ADGRG5: variants seen among roughly 807,000 people sequenced by gnomAD.
ADGRG5 encodes the protein adhesion G protein-coupled receptor G5, also known as G protein-coupled receptor 114.
A neutral mutation model predicts 53.2 loss-of-function variants in ADGRG5; 37 were observed. The ratio of observed to expected loss-of-function variants is 0.70; its 90% CI spans 0.53 to 0.91. The LOEUF is 0.91. Among genes scored for constraint, ADGRG5 ranks in the 40% least tolerant of loss-of-function variants. The pLI, the probability that ADGRG5 is intolerant of heterozygous loss-of-function variation, is 0.00. For missense variants in ADGRG5, 614 were observed against 675.8 expected, an observed-to-expected ratio of 0.91 and a Z score of 1.01; for synonymous variants, 277 against 290.4, an observed-to-expected ratio of 0.95 and a Z score of 0.47.
intron 3 of ADGRG5, 30 bp downstream of exon 3, chr16:57,562,489 C>T (rs2033028526): frequency 2.0e-6 from 3 of 1,508,982 alleles, no homozygotes; most frequent in Admixed American, 1.9e-5. Flanking sequence ...CACCCCAAGC[C>T]TGCACCTTGA....
the ADGRG5 span, among the ~76,000 whole-genome samples, chr16:57,535,429 G>A: frequency 1.3e-5 from 2 of 152,142 alleles, no homozygotes; most frequent in Non-Finnish European, 2.9e-5. Flanking sequence ...GGACAGCTAC[G>A]TGTCTGTGTC....
At chr16:57,570,324 C>T in intron 9 of ADGRG5, 94 bp from the exon 10 acceptor site, 2 of 735,836 alleles carry the variant, frequency 2.7e-6, no homozygotes, top group East Asian at 2.5e-5. Context: ...GTCCCTTGAC[C>T]AGTGAAATTC....
rs1298080154 is a variant in ADGRG5, at chr16:57,563,313, G to A, written c.297+66G>A. 5.7e-6 allele frequency: 8 copies of A among 1,415,276 alleles called. No individual in the cohort carries two copies. The East Asian group carries it at 1.6e-4, about 28-fold the overall frequency. The allele number at this position is 1,415,276 out of a possible 1,614,324, so 87.7% of individuals were successfully genotyped here. The stretch of plus-strand genomic sequence containing the variant: ...CCCTAGAAGTCCTCCAGGCATTTAA[G>A]GTCTGGACTTTCTTTAGGCTCCACT... On this transcript the variant is annotated intron_variant, in intron 4 of 11. Transcript: ENST00000349457.
At position 57,574,053 on chromosome 16, in the gene ADGRG5, A is replaced by G. The variant is rs549396219; in HGVS notation, c.1209-762A>G. ...TGATTTAGTTCTAGGAAGTCCTTAC[A>G]TTTCCCTGTCTCTAAACCCTTTTCT... On this transcript the variant is annotated intron_variant, in intron 10 of 11. Transcript: ENST00000349457. The surrounding 1 kb of genome is among the most constrained non-coding windows in gnomAD (Gnocchi z 4.4). Among the ~76,000 whole-genome samples, 1 of 152,112 alleles carries G rather than the reference A, an allele frequency of 6.6e-6. No homozygotes were observed. The highest frequency in any genetic ancestry group is 1.9e-4 in the East Asian group (1 of 5,174).
rs957767280 is a variant in ADGRG5 at position 57,565,022 on chromosome 16, C to G, written c.430-12C>G. 8.3e-6 allele frequency: 13 copies of G among 1,568,754 alleles called. No individual in the cohort carries two copies. The highest frequency in any genetic ancestry group is 1.1e-5 in the Non-Finnish European group (13 of 1,139,532). On this transcript the variant is annotated splice_polypyrimidine_tract_variant and intron_variant, in intron 5 of 11. Coordinates refer to ENST00000349457, the MANE Select transcript of ADGRG5 (RefSeq NM_001304376.3). ...TCCCCTCCACTCAGCCCTTCTCCTG[C>G]TGCCCTTCCAGGATGAAAACAACTC...
intron 1 of ADGRG5, among the ~76,000 whole-genome samples, chr16:57,549,641 G>A (rs919955535): frequency 2.6e-5 from 4 of 152,172 alleles, no homozygotes; most frequent in African/African-American, 9.7e-5. Context: ...GTACAGTCAT[G>A]TATACATGTA....
the ADGRG5 span, among the ~76,000 whole-genome samples, chr16:57,531,093 C>T: frequency 3.3e-5 from 5 of 152,048 alleles, no homozygotes; most frequent in Admixed American, 6.5e-5. Flanking sequence ...TATCCCTGCC[C>T]GAGCCATCTC....
At chr16:57,535,581 C>G in the ADGRG5 span, among the ~76,000 whole-genome samples, 8 of 152,128 alleles carry the variant, frequency 5.3e-5, no homozygotes, top group Non-Finnish European at 8.8e-5. Flanking sequence ...CAAGTGGATA[C>G]GCACAGCTGG....
At chr16:57,552,691 C>G (rs2032782648) in intron 1 of ADGRG5, among the ~76,000 whole-genome samples, 1 of 152,224 alleles carries the variant, frequency 6.6e-6, no homozygotes, top group African/African-American at 2.4e-5. Flanking sequence ...CATGTGTTCA[C>G]TGGAGTAGCA....
chr16:57,560,647 G>C (rs2032978560), intron 1 of ADGRG5, among the ~76,000 whole-genome samples: 1 of 152,194 alleles, frequency 6.6e-6, no homozygotes, highest in Admixed American at 6.5e-5. Context: ...CCTCTCTCCA[G>C]AGAGTAAACT....
At chr16:57,543,965 C>T (rs1260151014) in intron 1 of ADGRG5, among the ~76,000 whole-genome samples, 1 of 152,166 alleles carries the variant, frequency 6.6e-6, no homozygotes, top group East Asian at 1.9e-4. Context: ...CAGGTGCCTG[C>T]CCAGTGTCAC....
chr16:57,544,265 C>T (rs1365272334), intron 1 of ADGRG5, among the ~76,000 whole-genome samples: 1 of 152,164 alleles, frequency 6.6e-6, no homozygotes, highest in African/African-American at 2.4e-5. Flanking sequence ...CTGGAACCAT[C>T]CTGGAAGTCA....
chr16:57,574,238 C>G lies in ADGRG5; in HGVS notation c.1209-577C>G, dbSNP rs968339778. Among the ~76,000 whole-genome samples the G allele has an allele frequency of 6.6e-6, 1 of 152,178 alleles. No homozygotes were observed. The highest frequency in any genetic ancestry group is 2.4e-5 in the African/African-American group (1 of 41,438). ...GCTCAGCCCTCAGTGGGCTCTCCTG[C>G]GGCTCTGTGTGCTCTCAGGTTGACA... On this transcript the variant is annotated intron_variant, in intron 10 of 11. Transcript: ENST00000349457. The surrounding 1 kb of genome is among the most constrained non-coding windows in gnomAD (Gnocchi z 4.4).
chr16:57,548,721 T>C (rs1393584419), intron 1 of ADGRG5, among the ~76,000 whole-genome samples: 9 of 2,918 alleles, frequency 3.1e-3, no homozygotes. Flanking sequence ...GAGATTGGCT[T>C]TTTTTTTTTT....
At chr16:57,536,457 G>C in the ADGRG5 span, 2 of 152,354 alleles carry the variant, frequency 1.3e-5, no homozygotes, top group Non-Finnish European at 2.9e-5. Context: ...AAGTTCCCGG[G>C]CCGCCTTGGC....
rs35195501 is a variant in ADGRG5 at position 57,573,428 on chromosome 16, C to CAA, written c.1209-1369_1209-1368dup. 6.3e-3 allele frequency among the ~76,000 whole-genome samples: 484 copies of CAA among 76,348 alleles called. 6 individuals carry two copies. The highest frequency in any genetic ancestry group is 0.06 in the South Asian group (122 of 2,032). The allele number at this position is 76,348 out of a possible 152,430, so 50.1% of individuals were successfully genotyped here. ...CAGCCTGGTGACAGAGACTCCCTCT[C>CAA]AAAAAAAAAAAAAAAAAAAGGAAAG... On this transcript the variant is annotated intron_variant, in intron 10 of 11. Coordinates refer to ENST00000349457, the MANE Select transcript of ADGRG5 (RefSeq NM_001304376.3).
At chr16:57,559,791 G>T (rs1161786884) in intron 1 of ADGRG5, among the ~76,000 whole-genome samples, 1 of 151,184 alleles carries the variant, frequency 6.6e-6, no homozygotes, top group Non-Finnish European at 1.5e-5. Context: ...CCATTGTTAT[G>T]ATGGGAACAA....
At chr16:57,532,885 TG>T in the ADGRG5 span, among the ~76,000 whole-genome samples, 1 of 152,132 alleles carries the variant, frequency 6.6e-6, no homozygotes, top group East Asian at 1.9e-4. Flanking sequence ...GTGCTGGGTA[TG>T]GGGGCCCGGG....
intron 6 of ADGRG5, 115 bp from the exon 7 acceptor site, chr16:57,566,484 C>G (rs1249098894): frequency 1.1e-6 from 1 of 930,712 alleles, no homozygotes; most frequent in Non-Finnish European, 1.5e-6. Context: ...CCAGCCAGTG[C>G]CTGGTAAAAT....
Sources: allele counts gnomAD v4.1 joint callset (sites outside exome capture counted in the v4.1 genomes callset), GRCh38; gene constraint gnomAD v4.1.1; non-coding constraint Gnocchi (gnomAD v3.1); transcripts MANE v1.5; gene names NCBI Gene and HGNC (gene_info 2026-07-23, HGNC 2026-07-21).